Variants in SOX5 observed in about 807,000 individuals in gnomAD.
SOX5 encodes SRY-box transcription factor 5.
Under a neutral mutation model 92.0 loss-of-function variants are expected in SOX5, and 9 were observed. The observed-to-expected ratio is 0.10, with a 90% CI of 0.06 to 0.17. The LOEUF is 0.17. SOX5 is among the 10% of genes least tolerant of loss of function. The probability of loss-of-function intolerance (pLI) is 1.00; values close to 1 mark genes in which losing one functional copy is unlikely to be tolerated. For synonymous variants in SOX5, 344 were observed against 336.3 expected (o/e 1.02, Z -0.25); for missense variants, 642 against 944.5 (o/e 0.68, Z 4.20).
chr12:23,540,382 A>AATC (rs1941721699), intron 13 of SOX5, among the ~76,000 whole-genome samples: 1 of 146,860 alleles, frequency 6.8e-6, no homozygotes, highest in South Asian at 2.1e-4. Context: ...TAATAATAAT[A>AATC]ATAATAATAA....
intron 6 of SOX5, among the ~76,000 whole-genome samples, chr12:23,712,300 A>G (rs1487049324): frequency 6.6e-6 from 1 of 152,224 alleles, no homozygotes; most frequent in Non-Finnish European, 1.5e-5. Context: ...GTATGGTGGT[A>G]GTAAGAGTAA....
At chr12:23,965,752 G>A (rs963352080) in intron 4 of SOX5, among the ~76,000 whole-genome samples, 7 of 152,032 alleles carry the variant, frequency 4.6e-5, no homozygotes, top group Admixed American at 4.6e-4. Flanking sequence ...CCTAGTAGCT[G>A]GGACTACAGG....
chr12:24,375,646 G>A (rs1957185151), intron 1 of SOX5, among the ~76,000 whole-genome samples: 1 of 149,040 alleles, frequency 6.7e-6, no homozygotes, highest in African/African-American at 2.5e-5. Flanking sequence ...TGGGGCAGGA[G>A]AATCGCTTGA....
At chr12:24,185,282 A>C (rs958631350) in intron 4 of SOX5, among the ~76,000 whole-genome samples, 1 of 152,076 alleles carries the variant, frequency 6.6e-6, no homozygotes, top group Non-Finnish European at 1.5e-5. Context: ...TGCTCCTAGA[A>C]TAGATATCAC....
intron 4 of SOX5, among the ~76,000 whole-genome samples, chr12:24,171,208 G>GTTTTTTTTTTTTTTTTT (rs1173228023): frequency 6.0e-5 from 2 of 33,100 alleles, no homozygotes; most frequent in Non-Finnish European, 1.1e-4. Context: ...TTGGCCAACA[G>GTTTTTTTTTTTTTTTTT]TTTTTTTTGT....
intron 4 of SOX5, among the ~76,000 whole-genome samples, chr12:24,024,752 C>A (rs1954690038): frequency 1.3e-5 from 2 of 151,866 alleles, no homozygotes; most frequent in South Asian, 2.1e-4. Flanking sequence ...GGGACTACAA[C>A]CTTTAATCTC....
chr12:23,907,234 TAGAGGAAGA>T (rs1342047807), intron 1 of SOX5, among the ~76,000 whole-genome samples: 1 of 151,898 alleles, frequency 6.6e-6, no homozygotes, highest in African/African-American at 2.4e-5. Context: ...AAAGAGGAAT[TAGAGGAAGA>T]GGAGGAAGAG....
chr12:23,702,321 T>C (rs2090766996), intron 6 of SOX5, among the ~76,000 whole-genome samples: 1 of 152,080 alleles, frequency 6.6e-6, no homozygotes, highest in Admixed American at 6.6e-5. Context: ...CCTAAGTATA[T>C]ATTCATTTCT....
intron 3 of SOX5, among the ~76,000 whole-genome samples, chr12:23,807,555 T>C (rs1487569718): frequency 2.6e-5 from 4 of 152,048 alleles, no homozygotes; most frequent in Non-Finnish European, 1.5e-5. Context: ...GGAAGGATGC[T>C]ACCAAAGGTT....
chr12:23,842,160 C>G (rs1328932512), intron 3 of SOX5, among the ~76,000 whole-genome samples: 2 of 152,094 alleles, frequency 1.3e-5, no homozygotes, highest in African/African-American at 4.8e-5. Flanking sequence ...GACACATACA[C>G]TGTTCTCTAG....
chr12:24,335,439 A>G (rs1235881738), intron 2 of SOX5, among the ~76,000 whole-genome samples: 2 of 152,162 alleles, frequency 1.3e-5, no homozygotes, highest in Non-Finnish European at 2.9e-5. Context: ...TGCAGCACAC[A>G]TTATCAACTT....
chr12:23,796,144 T>C (rs956596854), intron 3 of SOX5, among the ~76,000 whole-genome samples: 19 of 152,244 alleles, frequency 1.2e-4, no homozygotes, highest in African/African-American at 4.6e-4. Flanking sequence ...GAATCCATGG[T>C]GTTTAGGACT....
chr12:24,184,818 T>C (rs1016403112), intron 4 of SOX5, among the ~76,000 whole-genome samples: 1 of 152,150 alleles, frequency 6.6e-6, no homozygotes, highest in Admixed American at 6.6e-5. Context: ...AATAGAATTA[T>C]AGGAAATCAG....
chr12:23,640,889 A>G lies in SOX5; in HGVS notation c.940T>C (p.Tyr314His), dbSNP rs375598187. 29 of 1,612,288 alleles carry G rather than the reference A, an allele frequency of 1.8e-5. No homozygotes were observed. The highest frequency in any genetic ancestry group is 2.3e-5 in the Non-Finnish European group (27 of 1,178,826). ...GTAGTTGGGATCAGCTGAACAGGGT[A>G]AGGGTCACCTAAGTAAGAGAATAAT... ...FSYKAGCSDP[Y>H]PVQLIPTTMA... is the part of the protein sequence containing the mutation. Residue 314 changes from tyrosine (Y) to histidine (H), a missense_variant, in exon 8 of 15, where the codon TAC becomes CAC. Tyr to His is a moderately conservative substitution (Grantham distance 83). This residue lies in a region of SOX5 where 324 missense variants were observed against 461.6 expected (regional missense o/e 0.70). Coordinates refer to ENST00000451604, the MANE Select transcript of SOX5 (RefSeq NM_006940.6).
At chr12:24,192,195 A>G (rs1254117777) in intron 4 of SOX5, among the ~76,000 whole-genome samples, 1 of 152,248 alleles carries the variant, frequency 6.6e-6, no homozygotes, top group Non-Finnish European at 1.5e-5. Context: ...TAGAGTTTGT[A>G]TGAGCCAGAA....
chr12:24,360,289 C>A (rs1238946044), intron 2 of SOX5, among the ~76,000 whole-genome samples: 1 of 152,164 alleles, frequency 6.6e-6, no homozygotes, highest in Non-Finnish European at 1.5e-5. Flanking sequence ...TCTGTAAAGA[C>A]CAAATTTCAA....
chr12:24,089,047 T>C (rs959928414), intron 4 of SOX5, among the ~76,000 whole-genome samples: 1 of 152,118 alleles, frequency 6.6e-6, no homozygotes, highest in Non-Finnish European at 1.5e-5. Context: ...ACACCAGTTA[T>C]ATACTCCTGG....
chr12:24,078,878 T>G (rs1942980382), intron 4 of SOX5, among the ~76,000 whole-genome samples: 1 of 152,090 alleles, frequency 6.6e-6, no homozygotes, highest in South Asian at 2.1e-4. Context: ...CTCAACTTCC[T>G]TAGCAATGAA....
chr12:23,993,748 C>A (rs972292918), intron 4 of SOX5, among the ~76,000 whole-genome samples: 2 of 152,066 alleles, frequency 1.3e-5, no homozygotes, highest in Non-Finnish European at 2.9e-5. Context: ...TTCTGGCTGG[C>A]TGGAGTGTCT....
Sources: allele counts gnomAD v4.1 joint callset (sites outside exome capture counted in the v4.1 genomes callset), GRCh38; gene constraint gnomAD v4.1.1; regional missense constraint gnomAD v4.1.1; transcripts MANE v1.5; gene names NCBI Gene and HGNC (gene_info 2026-07-23, HGNC 2026-07-21).